Variants in KCNIP4 observed in about 807,000 individuals in gnomAD.
The protein encoded by KCNIP4 is potassium voltage-gated channel interacting protein 4.
A neutral mutation model predicts 34.0 loss-of-function variants in KCNIP4; 12 were observed. The observed-to-expected ratio is 0.35, with a 90% CI of 0.23 to 0.57. The LOEUF (loss-of-function observed/expected upper bound fraction) is 0.57. Ranked by LOEUF, KCNIP4 falls within the 20% of genes least tolerant of loss-of-function variation. The pLI is 0.83. For synonymous variants in KCNIP4, 124 were observed against 102.2 expected, an observed-to-expected ratio of 1.21 and a Z score of -1.29; for missense variants, 238 against 311.7, an observed-to-expected ratio of 0.76 and a Z score of 1.78.
At chr4:21,314,369 A>T (rs1319295467) in intron 1 of KCNIP4, among the ~76,000 whole-genome samples, 1 of 152,206 alleles carries the variant, frequency 6.6e-6, no homozygotes, top group Non-Finnish European at 1.5e-5. Context: ...TTATGGTAGC[A>T]ATATCCTATC....
chr4:21,541,489 C>A (rs1030075404), intron 1 of KCNIP4, among the ~76,000 whole-genome samples: 2 of 152,056 alleles, frequency 1.3e-5, no homozygotes, highest in Admixed American at 1.3e-4. Flanking sequence ...TCAAAGGTAA[C>A]CTTTAAGGAA....
intron 2 of KCNIP4, among the ~76,000 whole-genome samples, chr4:20,879,303 T>C (rs1724418872): frequency 6.6e-6 from 1 of 152,146 alleles, no homozygotes; most frequent in African/African-American, 2.4e-5. Context: ...ATGATATCTA[T>C]TACTCTTGCT....
chr4:21,264,421 A>G (rs1330605110), intron 1 of KCNIP4, among the ~76,000 whole-genome samples: 2 of 152,188 alleles, frequency 1.3e-5, no homozygotes, highest in African/African-American at 2.4e-5. Context: ...GATGATTAGC[A>G]TGGTGGTTAG....
chr4:21,189,645 A>C (rs1317226842), intron 1 of KCNIP4, among the ~76,000 whole-genome samples: 1 of 151,982 alleles, frequency 6.6e-6, no homozygotes, highest in Non-Finnish European at 1.5e-5. Flanking sequence ...TGTCCTAAGA[A>C]ATAAAAAGGG....
intron 1 of KCNIP4, among the ~76,000 whole-genome samples, chr4:21,288,107 C>T (rs2109193883): frequency 6.6e-6 from 1 of 152,194 alleles, no homozygotes; most frequent in East Asian, 1.9e-4. Flanking sequence ...CTACCAGTGG[C>T]AAGATTTATG....
intron 1 of KCNIP4, among the ~76,000 whole-genome samples, chr4:21,829,956 A>G (rs535277079): frequency 9.2e-5 from 14 of 152,296 alleles, no homozygotes; most frequent in Admixed American, 2.0e-4. Context: ...AAACAACCAG[A>G]AAATAATTGT....
intron 1 of KCNIP4, among the ~76,000 whole-genome samples, chr4:21,534,497 A>C (rs1010478235): frequency 6.6e-6 from 1 of 152,214 alleles, no homozygotes; most frequent in Non-Finnish European, 1.5e-5. Context: ...AAGTTGCTTG[A>C]GTCCATAGCT....
At chr4:20,973,224 G>A (rs78112654) in intron 1 of KCNIP4, among the ~76,000 whole-genome samples, 3,670 of 152,316 alleles carry the variant, frequency 0.024, 155 homozygotes, top group African/African-American at 0.084. Context: ...ACTTTAGCTA[G>A]ACCTTCTAGG....
chr4:21,177,779 T>G (rs1281263127), intron 1 of KCNIP4, among the ~76,000 whole-genome samples: 2 of 150,364 alleles, frequency 1.3e-5, no homozygotes, highest in African/African-American at 4.9e-5. Flanking sequence ...ACCTGGGAGG[T>G]AGAGGTTGCA....
chr4:20,837,212 T>A (rs186696006), intron 3 of KCNIP4, among the ~76,000 whole-genome samples: 1 of 139,376 alleles, frequency 7.2e-6, no homozygotes, highest in East Asian at 1.9e-4. Flanking sequence ...AAATAACTGA[T>A]TATTTCTCAT....
intron 1 of KCNIP4, among the ~76,000 whole-genome samples, chr4:21,693,080 T>C (rs1161193302): frequency 6.6e-6 from 1 of 151,872 alleles, no homozygotes; most frequent in African/African-American, 2.4e-5. Context: ...TTTGTTCAAG[T>C]CTCCGATTTT....
At chr4:21,209,300 TATCATTAACTA>T (rs1757067391) in intron 1 of KCNIP4, among the ~76,000 whole-genome samples, 1 of 152,150 alleles carries the variant, frequency 6.6e-6, no homozygotes. Flanking sequence ...GAAACTAATA[TATCATTAACTA>T]TAGTCATCCT....
chr4:21,455,762 C>CTGTT (rs1728872701), intron 1 of KCNIP4, among the ~76,000 whole-genome samples: 1 of 143,442 alleles, frequency 7.0e-6, no homozygotes, highest in Non-Finnish European at 1.5e-5. Context: ...CTGTTCCTCT[C>CTGTT]CCTATATATG....
intron 1 of KCNIP4, among the ~76,000 whole-genome samples, chr4:21,571,716 G>T (rs1335052683): frequency 6.6e-6 from 1 of 152,132 alleles, no homozygotes; most frequent in Non-Finnish European, 1.5e-5. Flanking sequence ...AAGGTGCCCA[G>T]GGGTCATGAG....
intron 1 of KCNIP4, among the ~76,000 whole-genome samples, chr4:21,442,626 C>A (rs1281221779): frequency 6.6e-6 from 1 of 152,162 alleles, no homozygotes; most frequent in Non-Finnish European, 1.5e-5. Context: ...CACACAATTT[C>A]CTAATTTTCT....
chr4:21,070,698 CAG>C (rs1286333273), intron 1 of KCNIP4, among the ~76,000 whole-genome samples: 5 of 74,694 alleles, frequency 6.7e-5, no homozygotes, highest in South Asian at 5.0e-4. Context: ...TTTTTTGAGA[CAG>C]AGTCTTGCTC....
At chr4:21,101,134 T>A (rs1266508143) in intron 1 of KCNIP4, among the ~76,000 whole-genome samples, 1 of 152,092 alleles carries the variant, frequency 6.6e-6, no homozygotes, top group Non-Finnish European at 1.5e-5. Context: ...CCTACTGAAG[T>A]TTCCAGTGTG....
intron 1 of KCNIP4, among the ~76,000 whole-genome samples, chr4:21,237,725 G>A (rs2109040292): frequency 6.6e-6 from 1 of 152,270 alleles, no homozygotes; most frequent in African/African-American, 2.4e-5. Flanking sequence ...CTCTGAAATT[G>A]AGGCAATAAT....
intron 1 of KCNIP4, among the ~76,000 whole-genome samples, chr4:21,478,320 C>A (rs895488528): frequency 3.9e-4 from 59 of 152,122 alleles, no homozygotes; most frequent in Non-Finnish European, 7.5e-4. Context: ...CCCCCTTTAA[C>A]CTAGGACTTG....
Sources: gnomAD v4.1 joint callset for allele counts (sites outside exome capture counted in the v4.1 genomes callset) on GRCh38, gnomAD v4.1.1 for gene constraint, MANE v1.5 for transcripts, NCBI Gene and HGNC (gene_info 2026-07-23, HGNC 2026-07-21) for gene names.